PCDH15: variants seen among roughly 807,000 people sequenced by gnomAD.
The protein encoded by PCDH15 is protocadherin related 15.
In PCDH15, 129 loss-of-function variants were observed where a neutral mutation model predicts 178.5. The ratio of observed to expected loss-of-function variants is 0.72; its 90% CI spans 0.63 to 0.84. The LOEUF is 0.84. Ranked by LOEUF, PCDH15 falls within the 40% of genes least tolerant of loss-of-function variation. The pLI, the probability that PCDH15 is intolerant of heterozygous loss-of-function variation, is 0.00. For missense variants in PCDH15, 2,230 were observed against 2,099.9 expected, an observed-to-expected ratio of 1.06 and a Z score of -1.21; for synonymous variants, 800 against 732.0, an observed-to-expected ratio of 1.09 and a Z score of -1.50.
At chr10:55,422,335 G>A (rs182379259) in intron 2 of PCDH15, among the ~76,000 whole-genome samples, 1 of 151,854 alleles carries the variant, frequency 6.6e-6, no homozygotes, top group East Asian at 1.9e-4. Flanking sequence ...AAATGAAGAG[G>A]AAAAGGCACC....
intron 2 of PCDH15, among the ~76,000 whole-genome samples, chr10:54,923,870 G>C: frequency 7.3e-6 from 1 of 137,676 alleles, no homozygotes; most frequent in East Asian, 2.0e-4. Context: ...CCCTCCAAAC[G>C]ATTCCAACCT....
At position 55,282,811 on chromosome 10, in the gene PCDH15, C is replaced by T. The variant is rs182200065; in HGVS notation, c.-156+36788G>A. ...ATAATTTCATCAATAGATTTGAAAT[C>T]ACCTTTGCAAAAATTATAACTGAGA... is the stretch of plus-strand genomic sequence containing the variant. On this transcript the variant is annotated intron_variant, in intron 1 of 5. Coordinates refer to the PCDH15 transcript ENST00000458638. Among the ~76,000 whole-genome samples, 118 of 152,254 alleles carry T rather than the reference C, an allele frequency of 7.8e-4. 1 individual carries two copies. The highest frequency in any genetic ancestry group is 2.5e-3 in the African/African-American group (103 of 41,562).
intron 25 of PCDH15, among the ~76,000 whole-genome samples, chr10:53,917,826 G>A (rs1358123123): frequency 6.6e-6 from 1 of 152,096 alleles, no homozygotes; most frequent in African/African-American, 2.4e-5. Flanking sequence ...CCTCGTGAAT[G>A]GCTTAGCACC....
chr10:55,189,633 A>C (rs1839889541), intron 1 of PCDH15, among the ~76,000 whole-genome samples: 1 of 151,846 alleles, frequency 6.6e-6, no homozygotes, highest in African/African-American at 2.4e-5. Context: ...ACTATATTCA[A>C]ATCTCAACTC....
intron 1 of PCDH15, among the ~76,000 whole-genome samples, chr10:54,785,698 A>G (rs1248669461): frequency 6.6e-6 from 1 of 152,022 alleles, no homozygotes; most frequent in Admixed American, 6.6e-5. Flanking sequence ...AGGCTGAGAC[A>G]AGGGGGAAAA....
intron 3 of PCDH15, among the ~76,000 whole-genome samples, chr10:54,430,984 T>C (rs1211252602): frequency 6.6e-6 from 1 of 152,076 alleles, no homozygotes; most frequent in Non-Finnish European, 1.5e-5. Flanking sequence ...TATGAACAAC[T>C]ATATACCAAT....
chr10:54,859,527 C>CT (rs572565261), intron 3 of PCDH15, among the ~76,000 whole-genome samples: 6 of 151,888 alleles, frequency 4.0e-5, no homozygotes, highest in Non-Finnish European at 7.4e-5. Flanking sequence ...AAATAATTGC[C>CT]TAACTCCAGA....
intron 3 of PCDH15, among the ~76,000 whole-genome samples, chr10:54,463,297 T>G (rs549724617): frequency 6.6e-6 from 1 of 152,176 alleles, no homozygotes; most frequent in African/African-American, 2.4e-5. Context: ...TCACATTAAG[T>G]GTCATTTGCA....
chr10:54,709,625 T>A (rs1033267267), intron 1 of PCDH15, among the ~76,000 whole-genome samples: 1 of 144,570 alleles, frequency 6.9e-6, no homozygotes, highest in African/African-American at 2.5e-5. Context: ...TATATATATA[T>A]ATAAAATCAC....
chr10:53,808,330 G>GTATATA (rs917490517), intron 37 of PCDH15: 19 of 203,918 alleles, frequency 9.3e-5, no homozygotes, highest in African/African-American at 4.7e-4. Context: ...GTGTGTGTGT[G>GTATATA]TATATATATA....
intron 2 of PCDH15, among the ~76,000 whole-genome samples, chr10:55,352,449 C>T (rs1844961094): frequency 6.6e-6 from 1 of 151,990 alleles, no homozygotes; most frequent in African/African-American, 2.4e-5. Flanking sequence ...AGATGAGAGG[C>T]TGAAAGATGA....
intron 1 of PCDH15, among the ~76,000 whole-genome samples, chr10:54,698,884 T>C (rs765549881): frequency 6.6e-6 from 1 of 152,142 alleles, no homozygotes; most frequent in African/African-American, 2.4e-5. Flanking sequence ...AAAAGTTTCT[T>C]AGTAAAGCAG....
intron 2 of PCDH15, among the ~76,000 whole-genome samples, chr10:55,357,973 T>C (rs1036293665): frequency 1.5e-4 from 23 of 152,170 alleles, no homozygotes; most frequent in African/African-American, 5.5e-4. Flanking sequence ...ATCACTCTTA[T>C]TGGGTGGATT....
At chr10:54,898,611 T>C (rs2131822991) in intron 2 of PCDH15, among the ~76,000 whole-genome samples, 1 of 152,278 alleles carries the variant, frequency 6.6e-6, no homozygotes, top group East Asian at 1.9e-4. Context: ...CTTACTGGAA[T>C]ACTGAATTTT....
At chr10:55,278,555 A>C (rs2132254819) in intron 1 of PCDH15, among the ~76,000 whole-genome samples, 1 of 152,258 alleles carries the variant, frequency 6.6e-6, no homozygotes, top group African/African-American at 2.4e-5. Context: ...AAATTTTAAT[A>C]AGCTTGTTAT....
chr10:55,427,218 C>T (rs538336388), intron 2 of PCDH15, among the ~76,000 whole-genome samples: 1 of 152,224 alleles, frequency 6.6e-6, no homozygotes, highest in African/African-American at 2.4e-5. Context: ...CCATGCTTTT[C>T]CCCTAATATT....
At chr10:55,128,456 T>C (rs1462296988) in intron 2 of PCDH15, among the ~76,000 whole-genome samples, 2 of 152,070 alleles carry the variant, frequency 1.3e-5, no homozygotes, top group African/African-American at 4.8e-5. Context: ...CTTAACCTCA[T>C]GCTCTCTCAT....
intron 3 of PCDH15, among the ~76,000 whole-genome samples, chr10:54,524,897 G>C (rs1277734122): frequency 6.6e-6 from 1 of 152,144 alleles, no homozygotes; most frequent in Non-Finnish European, 1.5e-5. Context: ...CTGTCATTAA[G>C]GTGCTGTTGA....
intron 28 of PCDH15, among the ~76,000 whole-genome samples, chr10:53,853,571 C>T (rs1165076793): frequency 6.6e-6 from 1 of 151,942 alleles, no homozygotes; most frequent in African/African-American, 2.4e-5. Context: ...AACTAAACAA[C>T]TAAAATAAAT....
Sources: allele counts gnomAD v4.1 joint callset (sites outside exome capture counted in the v4.1 genomes callset), GRCh38; gene constraint gnomAD v4.1.1; transcripts MANE v1.5; gene names NCBI Gene and HGNC (gene_info 2026-07-23, HGNC 2026-07-21).